KIAA1549L: variants seen among roughly 807,000 people sequenced by gnomAD.
KIAA1549L encodes the protein UPF0606 protein KIAA1549L.
In KIAA1549L, 88 loss-of-function variants were observed where a neutral mutation model predicts 160.7. The ratio of observed to expected loss-of-function variants is 0.55; its 90% CI spans 0.46 to 0.65. The LOEUF (loss-of-function observed/expected upper bound fraction) is 0.65, where lower values mean the gene tolerates loss of function less well. Among genes scored for constraint, KIAA1549L ranks in the 30% least tolerant of loss-of-function variants. The pLI is 0.00. For synonymous variants in KIAA1549L, 950 were observed against 976.7 expected (o/e 0.97, Z 0.51); for missense variants, 2,258 against 2,437.5 (o/e 0.93, Z 1.55).
Position 33,666,246 on chromosome 11 carries a change from C to T in KIAA1549L, c.6160-1627C>T, listed in dbSNP as rs189935860. Among the ~76,000 whole-genome samples the T allele has an allele frequency of 7.1e-3, 1,083 of 152,288 alleles. 4 individuals are homozygous for T. Among genetic ancestry groups the T allele is most frequent in the Non-Finnish European group, 0.012 (821 of 67,996 alleles). Reference sequence around the variant, plus strand: ...GGCTGCAGCAGCATCCAGGGGAGCTCCTGCTCCAACTCAGAAGGGGCAGGG... The same window carrying T: ...GGCTGCAGCAGCATCCAGGGGAGCTTCTGCTCCAACTCAGAAGGGGCAGGG... On this transcript the variant is annotated intron_variant, in intron 20 of 20. Coordinates refer to ENST00000658780, the MANE Select transcript of KIAA1549L (RefSeq NM_012194.3).
chr11:33,389,857 T>C (rs1000245990), intron 1 of KIAA1549L, among the ~76,000 whole-genome samples: 4 of 152,186 alleles, frequency 2.6e-5, no homozygotes, highest in South Asian at 2.1e-4. Context: ...AGGTCACACA[T>C]TGGTCCAGGG....
At chr11:33,449,121 G>A (rs1406525922) in intron 1 of KIAA1549L, among the ~76,000 whole-genome samples, 2 of 152,060 alleles carry the variant, frequency 1.3e-5, no homozygotes, top group East Asian at 1.9e-4. Flanking sequence ...CTGTGGATAT[G>A]TTTTTCTTCC....
intron 12 of KIAA1549L, among the ~76,000 whole-genome samples, chr11:33,596,847 G>A (rs978438048): frequency 3.9e-5 from 6 of 151,948 alleles, no homozygotes; most frequent in African/African-American, 1.5e-4. Flanking sequence ...TACCAGTGCC[G>A]CCAGTTGGGA....
At chr11:33,485,932 C>T (rs992594413) in intron 1 of KIAA1549L, among the ~76,000 whole-genome samples, 1 of 152,068 alleles carries the variant, frequency 6.6e-6, no homozygotes, top group African/African-American at 2.4e-5. Flanking sequence ...CAGTTTCATC[C>T]CTGTCATCAC....
intron 10 of KIAA1549L, among the ~76,000 whole-genome samples, chr11:33,581,490 T>A (rs879713728): frequency 6.6e-6 from 1 of 152,118 alleles, no homozygotes; most frequent in Non-Finnish European, 1.5e-5. Context: ...GAACCGACTT[T>A]AACTGTTTAT....
rs1254950576 is a variant in KIAA1549L at position 33,530,437 on chromosome 11, ATATATATATATATATAT to A, written c.239-11364_239-11348del. On this transcript the variant is annotated intron_variant, in intron 1 of 20. Transcript: ENST00000658780. ...AGGAAAAAAAAAAAAAAAAAAAAAAATATATATATATATATATATATATATATATATATATATATATA... is the reference window on the plus strand; with the variant it reads ...AGGAAAAAAAAAAAAAAAAAAAAAAAATATATATATATATATATATATATA... Among the ~76,000 whole-genome samples the A allele has an allele frequency of 4.1e-3, 13 of 3,186 alleles. 1 individual carries two copies. The highest frequency in any genetic ancestry group is 0.031 in the East Asian group (4 of 128). 2.1% of individuals were successfully genotyped at this position (3,186 alleles called of 152,430 possible). A position where few individuals can be genotyped will look rare whatever the true frequency, so the allele number is the denominator to read the frequency against.
chr11:33,481,208 T>C (rs1852404955), intron 1 of KIAA1549L, among the ~76,000 whole-genome samples: 1 of 152,238 alleles, frequency 6.6e-6, no homozygotes, highest in Admixed American at 6.5e-5. Context: ...TCTTTACATG[T>C]GCTACTTTGA....
intron 17 of KIAA1549L, among the ~76,000 whole-genome samples, chr11:33,653,493 C>A (rs997192692): frequency 1.3e-5 from 2 of 152,216 alleles, no homozygotes; most frequent in African/African-American, 4.8e-5. Flanking sequence ...TCATTGCCAT[C>A]CCTTTGTAGG....
At chr11:33,458,483 T>A (rs1326433982) in intron 1 of KIAA1549L, among the ~76,000 whole-genome samples, 1 of 152,090 alleles carries the variant, frequency 6.6e-6, no homozygotes, top group Non-Finnish European at 1.5e-5. Flanking sequence ...TAGGAAGGAA[T>A]CAGATGGACT....
At chr11:33,441,268 G>A (rs1044847244) in intron 1 of KIAA1549L, among the ~76,000 whole-genome samples, 2 of 151,952 alleles carry the variant, frequency 1.3e-5, no homozygotes, top group African/African-American at 2.4e-5. Flanking sequence ...TTTTATGGCC[G>A]CATAGTATTC....
At chr11:33,430,151 TAAGAA>T (rs568444281) in intron 1 of KIAA1549L, among the ~76,000 whole-genome samples, 40 of 144,832 alleles carry the variant, frequency 2.8e-4, no homozygotes, top group Non-Finnish European at 4.9e-4. Flanking sequence ...TATGAATCTC[TAAGAA>T]GAGAATATTT....
At chr11:33,388,710 AAG>A (rs528493405) in intron 1 of KIAA1549L, among the ~76,000 whole-genome samples, 2 of 152,218 alleles carry the variant, frequency 1.3e-5, no homozygotes, top group Non-Finnish European at 2.9e-5. Flanking sequence ...TTTATTATAA[AAG>A]AGAATAAATA....
chr11:33,589,577 A>G (rs1387397989), intron 11 of KIAA1549L, among the ~76,000 whole-genome samples: 1 of 152,220 alleles, frequency 6.6e-6, no homozygotes, highest in Non-Finnish European at 1.5e-5. Context: ...AATACTATGC[A>G]GCCATAAAAA....
chr11:33,625,744 C>A (rs2133364422), intron 16 of KIAA1549L, among the ~76,000 whole-genome samples: 1 of 152,300 alleles, frequency 6.6e-6, no homozygotes, highest in South Asian at 2.1e-4. Context: ...TTTTGCTGTG[C>A]AGAAGCTCTT....
intron 1 of KIAA1549L, among the ~76,000 whole-genome samples, chr11:33,478,455 TG>T (rs1852339872): frequency 1.3e-5 from 2 of 152,238 alleles, no homozygotes; most frequent in South Asian, 4.1e-4. Flanking sequence ...TCTGCAGAGC[TG>T]TTATAACCAC....
chr11:33,574,652 G>A, intron 9 of KIAA1549L, 50 bp from the exon 10 acceptor site: 2 of 1,544,404 alleles, frequency 1.3e-6, no homozygotes, highest in African/African-American at 1.4e-5. Context: ...GGTGATTGCA[G>A]GGTCCATGCA....
intron 1 of KIAA1549L, among the ~76,000 whole-genome samples, chr11:33,378,986 A>T (rs576448141): frequency 4.0e-4 from 61 of 152,196 alleles, no homozygotes; most frequent in South Asian, 8.3e-4. Context: ...GGGGCCTTTG[A>T]CTTTCTGCAA....
intron 20 of KIAA1549L, among the ~76,000 whole-genome samples, chr11:33,662,385 A>C (rs987550786): frequency 1.3e-5 from 2 of 152,170 alleles, no homozygotes. Context: ...ACTTGGAGTA[A>C]ATAAGCTCTA....
At chr11:33,528,335 G>A (rs556417913) in intron 1 of KIAA1549L, among the ~76,000 whole-genome samples, 1 of 152,278 alleles carries the variant, frequency 6.6e-6, no homozygotes, top group East Asian at 1.9e-4. Flanking sequence ...AAGAAATGTT[G>A]GTATGGATGT....
Sources: allele counts gnomAD v4.1 joint callset (sites outside exome capture counted in the v4.1 genomes callset), GRCh38; gene constraint gnomAD v4.1.1; transcripts MANE v1.5; gene names NCBI Gene and HGNC (gene_info 2026-07-23, HGNC 2026-07-21).